The following CNOT2 variants were observed in gnomAD, a reference collection of about 807,000 sequenced individuals.
The protein encoded by CNOT2 is CC chemokine receptor 4-negative regulator of transcription 2.
In CNOT2, 7 loss-of-function variants were observed where a neutral mutation model predicts 72.1. That is an observed-to-expected ratio of 0.10 (90% CI 0.06 to 0.18). The LOEUF is 0.18. Among genes scored for constraint, CNOT2 ranks in the 10% least tolerant of loss-of-function variants. The pLI, the probability that CNOT2 is intolerant of heterozygous loss-of-function variation, is 1.00. For synonymous variants in CNOT2, 196 were observed against 225.6 expected (o/e 0.87, Z 1.17); for missense variants, 345 against 660.3 (o/e 0.52, Z 5.23).
At chr12:70,271,643 G>A (rs1039472408) in intron 1 of CNOT2, among the ~76,000 whole-genome samples, 5 of 152,018 alleles carry the variant, frequency 3.3e-5, no homozygotes, top group Non-Finnish European at 5.9e-5. Context: ...AAACTGCTAG[G>A]ATTACAGGCG....
intron 1 of CNOT2, among the ~76,000 whole-genome samples, chr12:70,276,310 A>G (rs1358201201): frequency 6.6e-6 from 1 of 151,980 alleles, no homozygotes; most frequent in Non-Finnish European, 1.5e-5. Flanking sequence ...TAGATTTCCA[A>G]CATTCTTTTG....
chr12:70,301,061 C>T (rs987180647), intron 2 of CNOT2, among the ~76,000 whole-genome samples: 2 of 152,108 alleles, frequency 1.3e-5, no homozygotes, highest in Non-Finnish European at 2.9e-5. Context: ...GATTTTTGCA[C>T]ATTGATCTTG....
At chr12:70,280,907 A>G (rs1593110783) in intron 2 of CNOT2, among the ~76,000 whole-genome samples, 1 of 152,186 alleles carries the variant, frequency 6.6e-6, no homozygotes, top group African/African-American at 2.4e-5. Flanking sequence ...ACAATTTATT[A>G]TATGGCTCAT....
intron 3 of CNOT2, among the ~76,000 whole-genome samples, chr12:70,317,601 A>G (rs1487017646): frequency 2.9e-5 from 4 of 140,250 alleles, no homozygotes; most frequent in Non-Finnish European, 4.6e-5. Context: ...GGGAATATTT[A>G]TAAGGTTTGA....
At chr12:70,337,737 AT>A in intron 9 of CNOT2, 1 of 564,588 alleles carries the variant, frequency 1.8e-6, no homozygotes, top group Middle Eastern at 2.8e-4. Flanking sequence ...CTCAGAGTTA[AT>A]TTAGACTTTT....
chr12:70,255,270 A>G (rs1219119925), intron 1 of CNOT2, among the ~76,000 whole-genome samples: 5 of 151,972 alleles, frequency 3.3e-5, no homozygotes, highest in Non-Finnish European at 5.9e-5. Context: ...TCTCTTTATC[A>G]TTGTTAGCCA....
chr12:70,291,980 G>A lies in CNOT2; in HGVS notation c.48+13706G>A, dbSNP rs576782491. ...AACACCACGGTAATAGATACTGCGA[G>A]CAATATTCACGGATGAATGCTATAA... On this transcript the variant is annotated intron_variant, in intron 2 of 15. Coordinates refer to ENST00000229195, the MANE Select transcript of CNOT2 (RefSeq NM_014515.7). Among the ~76,000 whole-genome samples, 5 of 152,210 alleles carry A rather than the reference G, an allele frequency of 3.3e-5. No homozygotes were observed. In the South Asian group the frequency reaches 6.2e-4, roughly 19 times the overall value.
At chr12:70,266,490 A>G (rs1450690919) in intron 1 of CNOT2, among the ~76,000 whole-genome samples, 1 of 152,044 alleles carries the variant, frequency 6.6e-6, no homozygotes, top group Non-Finnish European at 1.5e-5. Context: ...GTTTTTCTGT[A>G]TCCTTGCTGA....
At chr12:70,257,814 G>A (rs995364909) in intron 1 of CNOT2, among the ~76,000 whole-genome samples, 2 of 152,000 alleles carry the variant, frequency 1.3e-5, no homozygotes, top group Middle Eastern at 3.2e-3. Flanking sequence ...TTGAAAACTC[G>A]TACAGGCCTA....
At chr12:70,347,803 A>G (rs1882383772) in intron 15 of CNOT2, 1 of 152,224 alleles carries the variant, frequency 6.6e-6, no homozygotes, top group Admixed American at 6.5e-5. Context: ...GTTCCAATTC[A>G]TGTGACTATT....
intron 2 of CNOT2, among the ~76,000 whole-genome samples, chr12:70,304,253 A>C (rs929778240): frequency 2.6e-5 from 4 of 152,070 alleles, no homozygotes; most frequent in African/African-American, 9.7e-5. Flanking sequence ...GAGGAGCTAC[A>C]TTCCTTTGGA....
chr12:70,262,573 C>A (rs1252803828), intron 1 of CNOT2, among the ~76,000 whole-genome samples: 1 of 152,240 alleles, frequency 6.6e-6, no homozygotes, highest in Non-Finnish European at 1.5e-5. Context: ...CGGCGCCCGG[C>A]CTAATTACAT....
chr12:70,293,675 T>G (rs1872330106), intron 2 of CNOT2, among the ~76,000 whole-genome samples: 1 of 152,154 alleles, frequency 6.6e-6, no homozygotes, highest in Non-Finnish European at 1.5e-5. Flanking sequence ...AGTTCACTGG[T>G]CCACCTTTAC....
chr12:70,260,716 T>G (rs1430397665), intron 1 of CNOT2, among the ~76,000 whole-genome samples: 1 of 152,186 alleles, frequency 6.6e-6, no homozygotes, highest in Non-Finnish European at 1.5e-5. Flanking sequence ...CTTCATTCAT[T>G]TCGGTGCTCT....
chr12:70,260,057 C>T (rs926446942), intron 1 of CNOT2, among the ~76,000 whole-genome samples: 3 of 152,128 alleles, frequency 2.0e-5, no homozygotes, highest in Admixed American at 6.5e-5. Flanking sequence ...CCCTTGATTA[C>T]GATCTGCAAT....
rs531864184 is a variant in CNOT2, at chr12:70,345,890, T to C, written c.1392-290T>C. On this transcript the variant is annotated intron_variant, in intron 14 of 15. Transcript: ENST00000229195. ...TCTTTATTTGGTCTGCCTATGTTTT[T>C]ATCACATTGCTTATAAAACTTTTAA... 8 of 250,840 alleles carry C rather than the reference T, an allele frequency of 3.2e-5. No individual in the cohort carries two copies. The South Asian group carries it at 5.8e-4, about 18-fold the overall frequency. 15.5% of individuals were successfully genotyped at this position (250,840 alleles called of 1,614,324 possible). A position where few individuals can be genotyped will look rare whatever the true frequency, so the allele number is the denominator to read the frequency against.
chr12:70,250,864 A>G (rs1593024636), intron 1 of CNOT2, among the ~76,000 whole-genome samples: 1 of 152,284 alleles, frequency 6.6e-6, no homozygotes, highest in Middle Eastern at 3.4e-3. Flanking sequence ...ATTAAAGCAT[A>G]ATGATCTGTG....
chr12:70,310,976 T>C lies in CNOT2; in HGVS notation c.130T>C (p.Tyr44His), dbSNP rs1464667854. The change falls in exon 3 of 16, where the codon TAC becomes CAC. Residue 44 changes from tyrosine to histidine, a missense_variant. Physicochemically the swap from Tyr to His is moderately conservative, Grantham distance 83. Around this residue, in one of 4 missense-constraint regions of CNOT2, gnomAD observed 157 missense variants for 235.3 expected, o/e 0.67. Transcript: ENST00000229195. ...TGACTACCATGACGAAAACATGTAC[T>C]ACAGCCAGTCTTCTATGTTTCCACA... is the stretch of plus-strand genomic sequence containing the variant. ...DSDYHDENMYYSQSSMFPHRS... is the reference protein window; with the variant it reads ...DSDYHDENMYHSQSSMFPHRS... The C allele has an allele frequency of 4.4e-6, 7 of 1,599,620 alleles. No individual in the cohort carries two copies. Among genetic ancestry groups the C allele is most frequent in the Non-Finnish European group, 6.0e-6 (7 of 1,167,306 alleles).
chr12:70,338,921 T>C (rs907848734), intron 11 of CNOT2, 99 bp downstream of exon 11: 11 of 955,530 alleles, frequency 1.2e-5, no homozygotes, highest in African/African-American at 1.7e-5. Context: ...CTGCTACTCA[T>C]TGTTAACCTG....
Sources: allele counts gnomAD v4.1 joint callset (sites outside exome capture counted in the v4.1 genomes callset), GRCh38; gene constraint gnomAD v4.1.1; regional missense constraint gnomAD v4.1.1; transcripts MANE v1.5; gene names NCBI Gene and HGNC (gene_info 2026-07-23, HGNC 2026-07-21).